Variants in AVEN observed in about 807,000 individuals in gnomAD.
The protein encoded by AVEN is cell death regulator Aven.
AVEN carries 41 observed loss-of-function variants against 38.1 expected under a neutral mutation model. The ratio of observed to expected loss-of-function variants is 1.08; its 90% CI spans 0.84 to 1.40. AVEN has a LOEUF of 1.40. Among genes scored for constraint, AVEN ranks in the 40% most tolerant of loss-of-function variants. AVEN has a pLI of 0.00. For missense variants in AVEN, 605 were observed against 438.8 expected (o/e 1.38, Z -3.38); for synonymous variants, 206 against 171.8 (o/e 1.20, Z -1.56).
chr15:33,871,609 G>C (rs1252519361), intron 3 of AVEN, among the ~76,000 whole-genome samples: 1 of 152,092 alleles, frequency 6.6e-6, no homozygotes, highest in Non-Finnish European at 1.5e-5. Flanking sequence ...AACGGTGGAG[G>C]CTTTTGCAAT....
chr15:34,017,175 T>C (rs1214937963), intron 1 of AVEN, among the ~76,000 whole-genome samples: 23 of 152,034 alleles, frequency 1.5e-4, no homozygotes, highest in African/African-American at 5.5e-4. Context: ...TCACCTACAA[T>C]GAATCCAACC....
intron 2 of AVEN, among the ~76,000 whole-genome samples, chr15:33,947,364 C>A (rs1894546991): frequency 6.6e-6 from 1 of 152,078 alleles, no homozygotes; most frequent in Non-Finnish European, 1.5e-5. Context: ...GAGGTAAACC[C>A]CAACCAATGA....
chr15:33,911,136 G>T (rs1317731159), intron 2 of AVEN, among the ~76,000 whole-genome samples: 1 of 152,064 alleles, frequency 6.6e-6, no homozygotes, highest in Non-Finnish European at 1.5e-5. Flanking sequence ...TTCCTCTCAA[G>T]ACCAACTCCA....
upstream of AVEN, among the ~76,000 whole-genome samples, chr15:34,041,775 A>C (rs1394066231): frequency 6.6e-6 from 1 of 152,180 alleles, no homozygotes; most frequent in Non-Finnish European, 1.5e-5. Context: ...TATTATTCCT[A>C]TTTTACAGAT....
chr15:33,930,957 A>G (rs1893819782), intron 2 of AVEN, among the ~76,000 whole-genome samples: 1 of 95,122 alleles, frequency 1.1e-5, no homozygotes, highest in African/African-American at 3.2e-5. Context: ...TCTGTCTCAA[A>G]AAAAAAAAAA....
chr15:33,904,926 T>C (rs1892639224), intron 2 of AVEN, among the ~76,000 whole-genome samples: 1 of 151,566 alleles, frequency 6.6e-6, no homozygotes, highest in East Asian at 1.9e-4. Context: ...GGTCAGGAGA[T>C]TGAGATCAGC....
upstream of AVEN, among the ~76,000 whole-genome samples, chr15:34,043,532 G>A (rs948507815): frequency 1.3e-5 from 2 of 152,108 alleles, no homozygotes; most frequent in African/African-American, 4.8e-5. Context: ...ACTACTGAGG[G>A]TGCTCACCAG....
Position 33,859,338 on chromosome 15 carries a change from A to G in AVEN, n.2730-244T>C, listed in dbSNP as rs1354192507. Among the ~76,000 whole-genome samples, 8 of 152,234 alleles carry G rather than the reference A, an allele frequency of 5.3e-5. No individual in the cohort carries two copies. In the East Asian group the frequency reaches 1.5e-3, roughly 29 times the overall value. On this transcript the variant is annotated intron_variant and non_coding_transcript_variant, in intron 11 of 11. Coordinates refer to the AVEN transcript ENST00000675287. ...ACTTATATACACCTTTAATGGGCCT[A>G]AAAATACCTTTTAAAAGCCTAAATG... is the stretch of plus-strand genomic sequence containing the variant.
chr15:34,073,984 T>C (rs1233883999), intron 1 of AVEN, among the ~76,000 whole-genome samples: 4 of 37,576 alleles, frequency 1.1e-4, no homozygotes, highest in East Asian at 1.4e-3. Flanking sequence ...TTTTTTCTTC[T>C]TCTTCTTTTT....
chr15:33,998,257 C>A lies in AVEN; in HGVS notation c.445+4775G>T, dbSNP rs530750514. Among the ~76,000 whole-genome samples the A allele has an allele frequency of 3.3e-5, 5 of 152,304 alleles. No homozygotes were observed. The East Asian group carries it at 9.6e-4, about 29-fold the overall frequency. ...CACAGATCCAGGAATTCTCACCCCT[C>A]CCCTTATGATTTTTGTCCCCTTTTC... On this transcript the variant is annotated intron_variant, in intron 2 of 5. Transcript: ENST00000306730.
chr15:33,853,592 G>A, the AVEN span: 4 of 1,613,928 alleles, frequency 2.5e-6, no homozygotes, highest in Middle Eastern at 1.6e-4. Context: ...GGAGCAGAAC[G>A]CATTGCTGAA....
At chr15:34,072,329 TG>T (rs1900644123) in intron 1 of AVEN, among the ~76,000 whole-genome samples, 1 of 150,568 alleles carries the variant, frequency 6.6e-6, no homozygotes, top group South Asian at 2.1e-4. Flanking sequence ...AAAAATTACC[TG>T]GGCCGGGCGC....
downstream of AVEN, chr15:33,856,096 C>T (rs2079629443): frequency 6.6e-6 from 1 of 152,202 alleles, no homozygotes. Flanking sequence ...AGAACTGAGG[C>T]TCAGAGCAGC....
chr15:33,995,560 C>T (rs1342778305), intron 2 of AVEN, among the ~76,000 whole-genome samples: 1 of 152,074 alleles, frequency 6.6e-6, no homozygotes, highest in Non-Finnish European at 1.5e-5. Context: ...TCCTTAAGTC[C>T]TCAAAAGCAA....
At chr15:33,949,356 T>C (rs1477861525) in intron 2 of AVEN, among the ~76,000 whole-genome samples, 1 of 152,210 alleles carries the variant, frequency 6.6e-6, no homozygotes, top group African/African-American at 2.4e-5. Context: ...GTAGGGGGTC[T>C]ATAGTTATCG....
chr15:33,941,042 C>A (rs1211410287), intron 2 of AVEN, among the ~76,000 whole-genome samples: 1 of 152,174 alleles, frequency 6.6e-6, no homozygotes, highest in African/African-American at 2.4e-5. Flanking sequence ...TACAGGTTAT[C>A]CCTCATTCCT....
chr15:33,952,072 G>A (rs2140451924), intron 2 of AVEN, among the ~76,000 whole-genome samples: 1 of 152,298 alleles, frequency 6.6e-6, no homozygotes, highest in Admixed American at 6.5e-5. Flanking sequence ...CAGGGTTTAT[G>A]TGGCTGCAGT....
At chr15:34,006,856 G>A (rs1261827877) in intron 1 of AVEN, among the ~76,000 whole-genome samples, 1 of 152,102 alleles carries the variant, frequency 6.6e-6, no homozygotes, top group East Asian at 1.9e-4. Flanking sequence ...AAAACTAGAG[G>A]TTTTATAGGT....
At chr15:33,914,010 A>C (rs769876162) in intron 2 of AVEN, among the ~76,000 whole-genome samples, 10 of 152,212 alleles carry the variant, frequency 6.6e-5, no homozygotes, top group Non-Finnish European at 1.3e-4. Context: ...CAACATTGTA[A>C]AGTCAGGTTC....
Sources: gnomAD v4.1 joint callset for allele counts (sites outside exome capture counted in the v4.1 genomes callset) on GRCh38, gnomAD v4.1.1 for gene constraint, MANE v1.5 for transcripts, NCBI Gene and HGNC (gene_info 2026-07-23, HGNC 2026-07-21) for gene names.